PCDHA2: variants seen among roughly 807,000 people sequenced by gnomAD.
The protein encoded by PCDHA2 is protocadherin alpha-2.
A neutral mutation model predicts 66.0 loss-of-function variants in PCDHA2; 58 were observed. That is an observed-to-expected ratio of 0.88 (90% CI 0.71 to 1.09). PCDHA2 has a LOEUF of 1.09. PCDHA2 is among the 50% of genes least tolerant of loss of function. The pLI is 0.00. For missense variants in PCDHA2, 1,267 were observed against 1,242.3 expected, an observed-to-expected ratio of 1.02 and a Z score of -0.30; for synonymous variants, 634 against 554.0, an observed-to-expected ratio of 1.14 and a Z score of -2.03.
chr5:140,841,171 G>T, intron 1 of PCDHA2: 2 of 993,678 alleles, frequency 2.0e-6, no homozygotes, highest in Admixed American at 2.8e-5. Context: ...AGTTCTGGTT[G>T]GTCAATGTTC....
chr5:140,843,885 G>A, intron 1 of PCDHA2: 1 of 709,038 alleles, frequency 1.4e-6, no homozygotes, highest in South Asian at 2.0e-5. Context: ...GCATAATACA[G>A]TATTAATCAT....
chr5:140,819,712 ATAATT>A (rs1766603643), intron 1 of PCDHA2, among the ~76,000 whole-genome samples: 1 of 152,132 alleles, frequency 6.6e-6, no homozygotes, highest in Non-Finnish European at 1.5e-5. Context: ...AAAAGTAAAT[ATAATT>A]TAACAGATAT....
intron 1 of PCDHA2, among the ~76,000 whole-genome samples, chr5:140,886,270 T>A (rs957205805): frequency 2.0e-5 from 3 of 151,996 alleles, no homozygotes; most frequent in Admixed American, 6.5e-5. Flanking sequence ...ATAGATAAAA[T>A]TTTTTAAAAT....
chr5:140,951,659 C>T (rs1293655737), intron 1 of PCDHA2, among the ~76,000 whole-genome samples: 3 of 152,164 alleles, frequency 2.0e-5, no homozygotes, highest in African/African-American at 7.2e-5. Flanking sequence ...CCCACCAGGG[C>T]CTGCCTACAA....
intron 1 of PCDHA2, among the ~76,000 whole-genome samples, chr5:140,908,928 A>G (rs1426452860): frequency 6.6e-6 from 1 of 152,224 alleles, no homozygotes; most frequent in Non-Finnish European, 1.5e-5. Flanking sequence ...GGCCAAATGC[A>G]GCAACTTATC....
rs564426882 is a variant in PCDHA2, at chr5:140,801,419, T to G, written c.2388+4067T>G. 13 of 1,613,802 alleles carry G rather than the reference T, an allele frequency of 8.1e-6. No homozygotes were observed. In the South Asian group the frequency reaches 1.4e-4, roughly 18 times the overall value. The stretch of plus-strand genomic sequence containing the variant: ...TGGCGTCCAAAAGACACGGGGACCT[T>G]CTGGAGGTAAATCTGCAGAATGGCA... On this transcript the variant is annotated intron_variant, in intron 1 of 3. Transcript: ENST00000526136.
rs374163229 is a variant in PCDHA2 at position 140,870,784 on chromosome 5, G to C, written c.2388+73432G>C. 16 of 1,613,456 alleles carry C rather than the reference G, an allele frequency of 9.9e-6. No homozygotes were observed. The African/African-American group carries it at 2.0e-4, about 20-fold the overall frequency. On this transcript the variant is annotated intron_variant, in intron 1 of 3. Transcript: ENST00000526136. ...GTTCGTGCTGGACGAGAACGACAAC[G>C]CGCCGGCACTGCTGGCGACTCAGGC...
intron 1 of PCDHA2, among the ~76,000 whole-genome samples, chr5:140,941,259 T>TTCTTTC (rs1554214225): frequency 1.2e-3 from 146 of 121,812 alleles, no homozygotes; most frequent in African/African-American, 3.7e-3. Flanking sequence ...TTCTTTCTCT[T>TTCTTTC]TCTTTCTTTC....
At chr5:140,829,646 G>T (rs199727548) in intron 1 of PCDHA2, 8 of 1,612,258 alleles carry the variant, frequency 5.0e-6, no homozygotes, top group Non-Finnish European at 5.9e-6. Flanking sequence ...CAAGGTGTAC[G>T]CGCTGCAGCC....
At chr5:141,004,681 G>A (rs1554259668) in intron 3 of PCDHA2, among the ~76,000 whole-genome samples, 1 of 152,176 alleles carries the variant, frequency 6.6e-6, no homozygotes. Flanking sequence ...CTGTGGAGTG[G>A]TGCTGAAACC....
chr5:140,803,175 ACCG>A (rs1763136206), intron 1 of PCDHA2: 1 of 1,613,716 alleles, frequency 6.2e-7, no homozygotes, highest in African/African-American at 1.3e-5. Flanking sequence ...ACCCTCATTG[ACCG>A]CCACGGCCAC....
chr5:140,926,889 G>A, intron 1 of PCDHA2: 1 of 1,545,026 alleles, frequency 6.5e-7, no homozygotes, highest in Non-Finnish European at 8.7e-7. Context: ...CGCCTAGAGG[G>A]AGGATGGTGG....
At chr5:140,903,429 G>T (rs782504374) in intron 1 of PCDHA2, among the ~76,000 whole-genome samples, 2 of 152,180 alleles carry the variant, frequency 1.3e-5, no homozygotes, top group South Asian at 4.1e-4. Context: ...AGCACAATAT[G>T]TATCAGTGGA....
intron 1 of PCDHA2, among the ~76,000 whole-genome samples, chr5:140,956,813 T>C (rs1306502330): frequency 6.6e-6 from 1 of 152,176 alleles, no homozygotes; most frequent in African/African-American, 2.4e-5. Context: ...TATTATTGCT[T>C]CAATTTGTAA....
At chr5:140,829,296 A>G in intron 1 of PCDHA2, 6 of 1,614,222 alleles carry the variant, frequency 3.7e-6, no homozygotes, top group Non-Finnish European at 5.1e-6. Context: ...TCCACCTTCA[A>G]GAATTACTAC....
intron 1 of PCDHA2, among the ~76,000 whole-genome samples, chr5:140,969,721 C>A (rs1399042401): frequency 6.6e-5 from 10 of 152,126 alleles, no homozygotes; most frequent in African/African-American, 2.2e-4. Context: ...GGAAATTTTT[C>A]TTTTGAAATC....
intron 1 of PCDHA2, chr5:140,857,530 G>T (rs1554150174): frequency 2.5e-6 from 4 of 1,597,696 alleles, no homozygotes; most frequent in Non-Finnish European, 3.4e-6. Flanking sequence ...ACTCTCTGGT[G>T]GAGCGGCGGT....
At chr5:140,829,918 T>C (rs1770676846) in intron 1 of PCDHA2, 2 of 1,613,992 alleles carry the variant, frequency 1.2e-6, no homozygotes, top group East Asian at 4.5e-5. Context: ...GGCTTTCGTA[T>C]GAGCTGCAGC....
intron 1 of PCDHA2, chr5:140,808,748 C>T (rs1554124750): frequency 1.2e-6 from 2 of 1,612,178 alleles, no homozygotes; most frequent in Non-Finnish European, 1.7e-6. Context: ...GTACGCGCTG[C>T]AGCCGCTGGA....
Sources: gnomAD v4.1 joint callset for allele counts (sites outside exome capture counted in the v4.1 genomes callset) on GRCh38, gnomAD v4.1.1 for gene constraint, MANE v1.5 for transcripts, NCBI Gene and HGNC (gene_info 2026-07-23, HGNC 2026-07-21) for gene names.